The following RORA variants were observed in gnomAD, a reference collection of about 807,000 sequenced individuals.
RORA encodes nuclear receptor ROR-alpha.
Under a neutral mutation model 69.5 loss-of-function variants are expected in RORA, and 7 were observed. The observed-to-expected ratio is 0.10, with a 90% CI of 0.06 to 0.19. The LOEUF (loss-of-function observed/expected upper bound fraction) is 0.19. RORA is among the 10% of genes least tolerant of loss of function. The pLI is 1.00. For synonymous variants in RORA, 261 were observed against 240.8 expected, an observed-to-expected ratio of 1.08 and a Z score of -0.78; for missense variants, 457 against 663.0, an observed-to-expected ratio of 0.69 and a Z score of 3.41.
chr15:60,858,692 T>TACACACACACACACACACAC lies in RORA; in HGVS notation c.167-180026_167-180007dup, dbSNP rs3053884. On this transcript the variant is annotated intron_variant, in intron 1 of 10. Transcript: ENST00000335670. ...TCAGATTCATTAAAAAGAAAGAAAA[T>TACACACACACACACACACAC]ACACACACACACACACACACACACA... is the stretch of plus-strand genomic sequence containing the variant. Among the ~76,000 whole-genome samples the TACACACACACACACACACAC allele has an allele frequency of 7.1e-4, 101 of 142,912 alleles. 1 individual carries two copies. The highest frequency in any genetic ancestry group is 3.5e-3 in the Middle Eastern group (1 of 288). 93.8% of individuals were successfully genotyped at this position (142,912 alleles called of 152,430 possible).
intron 2 of RORA, among the ~76,000 whole-genome samples, chr15:60,543,140 C>T (rs145771326): frequency 7.3e-6 from 1 of 136,082 alleles, no homozygotes; most frequent in African/African-American, 2.7e-5. Context: ...GTTAGCTTCA[C>T]TGCATAGGAA....
intron 1 of RORA, among the ~76,000 whole-genome samples, chr15:61,092,331 T>A (rs2078720153): frequency 6.6e-6 from 1 of 152,208 alleles, no homozygotes; most frequent in Non-Finnish European, 1.5e-5. Context: ...AACTTCTAGT[T>A]TTTAGGTCTC....
intron 1 of RORA, among the ~76,000 whole-genome samples, chr15:61,173,908 C>T (rs1192677256): frequency 6.6e-6 from 1 of 152,210 alleles, no homozygotes; most frequent in Non-Finnish European, 1.5e-5. Flanking sequence ...CCTATCTTTT[C>T]AGATCCATCT....
intron 1 of RORA, among the ~76,000 whole-genome samples, chr15:61,095,916 T>C (rs796181577): frequency 1.3e-5 from 2 of 152,344 alleles, no homozygotes; most frequent in African/African-American, 4.8e-5. Context: ...GGCCTGGTCC[T>C]CAGAATGATG....
chr15:61,045,088 CTG>C (rs1382934987), intron 1 of RORA, among the ~76,000 whole-genome samples: 1 of 152,176 alleles, frequency 6.6e-6, no homozygotes, highest in Non-Finnish European at 1.5e-5. Context: ...TACGGTTTGG[CTG>C]TGTCTCCACC....
At chr15:61,075,910 G>A (rs2078442429) in intron 1 of RORA, among the ~76,000 whole-genome samples, 1 of 152,136 alleles carries the variant, frequency 6.6e-6, no homozygotes, top group Non-Finnish European at 1.5e-5. Context: ...GAATTACTTG[G>A]CTCCTGGAGC....
intron 1 of RORA, among the ~76,000 whole-genome samples, chr15:60,963,218 A>G (rs948287974): frequency 2.5e-4 from 38 of 152,246 alleles, no homozygotes; most frequent in African/African-American, 8.9e-4. Flanking sequence ...CTGAATAGCC[A>G]ATGGGTAAGA....
intron 1 of RORA, among the ~76,000 whole-genome samples, chr15:61,015,836 T>C (rs1163032843): frequency 6.6e-6 from 1 of 152,224 alleles, no homozygotes; most frequent in African/African-American, 2.4e-5. Flanking sequence ...TTGCATTAAT[T>C]GAAGAAGATG....
At chr15:60,795,927 G>T (rs980910198) in intron 1 of RORA, among the ~76,000 whole-genome samples, 1 of 152,218 alleles carries the variant, frequency 6.6e-6, no homozygotes, top group African/African-American at 2.4e-5. Flanking sequence ...TTCAAATGGG[G>T]ATCATACTAC....
intron 1 of RORA, among the ~76,000 whole-genome samples, chr15:61,094,277 G>A (rs1167046402): frequency 6.6e-6 from 1 of 152,166 alleles, no homozygotes; most frequent in Non-Finnish European, 1.5e-5. Context: ...ATAGATTTAA[G>A]AGGCAGAGAT....
intron 1 of RORA, among the ~76,000 whole-genome samples, chr15:61,034,545 T>C (rs1896353615): frequency 6.6e-6 from 1 of 152,154 alleles, no homozygotes; most frequent in Non-Finnish European, 1.5e-5. Context: ...TTATGTGATA[T>C]TTATAGTCTG....
At chr15:60,542,611 TCA>T (rs535463879) in intron 2 of RORA, among the ~76,000 whole-genome samples, 36 of 90,038 alleles carry the variant, frequency 4.0e-4, no homozygotes, top group Non-Finnish European at 5.7e-4. Flanking sequence ...CATGCACACC[TCA>T]CACACGGCAC....
intron 2 of RORA, among the ~76,000 whole-genome samples, chr15:60,641,105 C>T (rs2140674575): frequency 6.6e-6 from 1 of 152,254 alleles, no homozygotes; most frequent in African/African-American, 2.4e-5. Flanking sequence ...GTGTGTACAA[C>T]CATGCCCAGC....
rs1401111261 is a variant in RORA, at chr15:60,537,152, G to C, written c.197-5301C>G. ...ATGGCGGCCTGGCTTGCGTGTCAAG[G>C]TTAGCCGGGGGAGAGCTGCAGAGTC... On this transcript the variant is annotated intron_variant, in intron 2 of 10. Coordinates refer to ENST00000335670, the MANE Select transcript of RORA (RefSeq NM_134261.3). This position sits in a 1 kb window ranked among gnomAD's most constrained non-coding sequence, Gnocchi z 4.9. 6.6e-6 allele frequency among the ~76,000 whole-genome samples: 1 copy of C among 152,208 alleles called. No homozygotes were observed. Among genetic ancestry groups the C allele is most frequent in the South Asian group, 2.1e-4 (1 of 4,832 alleles).
chr15:60,983,152 C>T (rs1894097225), intron 1 of RORA, among the ~76,000 whole-genome samples: 1 of 152,154 alleles, frequency 6.6e-6, no homozygotes, highest in Admixed American at 6.5e-5. Flanking sequence ...TAGTTCAGGC[C>T]ATGATAGGAA....
intron 1 of RORA, chr15:61,039,104 T>G (rs570050110): frequency 6.6e-6 from 1 of 152,254 alleles, no homozygotes; most frequent in Non-Finnish European, 1.5e-5. Flanking sequence ...TAGCTCGTCC[T>G]TGGCCAAGTA....
chr15:61,200,857 C>T (rs1188617278), intron 1 of RORA, among the ~76,000 whole-genome samples: 2 of 152,140 alleles, frequency 1.3e-5, no homozygotes, highest in Non-Finnish European at 2.9e-5. Flanking sequence ...CACTTATCAT[C>T]CAGAGGACTG....
intron 1 of RORA, among the ~76,000 whole-genome samples, chr15:61,201,026 A>G (rs953056169): frequency 1.3e-5 from 2 of 152,256 alleles, no homozygotes; most frequent in Non-Finnish European, 2.9e-5. Flanking sequence ...TGGCAAATAA[A>G]TGACTTTTCC....
At chr15:60,652,331 G>A (rs1291999257) in intron 2 of RORA, among the ~76,000 whole-genome samples, 1 of 152,150 alleles carries the variant, frequency 6.6e-6, no homozygotes, top group East Asian at 1.9e-4. Context: ...AATGGGTAGA[G>A]ACTGTAAAAA....
Sources: allele counts gnomAD v4.1 joint callset (sites outside exome capture counted in the v4.1 genomes callset), GRCh38; gene constraint gnomAD v4.1.1; non-coding constraint Gnocchi (gnomAD v3.1); transcripts MANE v1.5; gene names NCBI Gene and HGNC (gene_info 2026-07-23, HGNC 2026-07-21).